The following RERE variants were observed in gnomAD, a reference collection of about 807,000 sequenced individuals.
RERE encodes arginine-glutamic acid dipeptide repeats protein.
RERE carries 40 observed loss-of-function variants against 146.1 expected under a neutral mutation model. That is an observed-to-expected ratio of 0.27 (90% CI 0.21 to 0.36). The LOEUF (loss-of-function observed/expected upper bound fraction) is 0.36. RERE is among the 10% of genes least tolerant of loss of function. The pLI is 1.00. For synonymous variants in RERE, 1,003 were observed against 866.0 expected, an observed-to-expected ratio of 1.16 and a Z score of -2.78; for missense variants, 1,933 against 2,138.7, an observed-to-expected ratio of 0.90 and a Z score of 1.90.
chr1:8,559,279 T>TAAAAAAAAA (rs1646044423), intron 4 of RERE, among the ~76,000 whole-genome samples: 1 of 2,050 alleles, frequency 4.9e-4, no homozygotes, highest in African/African-American at 2.3e-3. Flanking sequence ...AAACTCCAGC[T>TAAAAAAAAA]CAAAAAAAAA....
At chr1:8,557,878 T>C (rs751566173) in intron 4 of RERE, among the ~76,000 whole-genome samples, 22 of 152,242 alleles carry the variant, frequency 1.4e-4, no homozygotes, top group Non-Finnish European at 2.6e-4. Flanking sequence ...TATTTTAATC[T>C]TTAATCATTT....
At chr1:8,810,688 T>C (rs948980869) in intron 1 of RERE, among the ~76,000 whole-genome samples, 2 of 152,192 alleles carry the variant, frequency 1.3e-5, no homozygotes, top group Non-Finnish European at 2.9e-5. Flanking sequence ...AATAGTAGTA[T>C]CTATCCCATG....
At chr1:8,500,464 G>C (rs1414263335) in intron 8 of RERE, among the ~76,000 whole-genome samples, 3 of 152,192 alleles carry the variant, frequency 2.0e-5, no homozygotes, top group African/African-American at 2.4e-5. Flanking sequence ...CGCCAGCCTC[G>C]GCCTCCCGAG....
chr1:8,375,966 T>C (rs1487641100), intron 12 of RERE, among the ~76,000 whole-genome samples: 2 of 152,268 alleles, frequency 1.3e-5, no homozygotes, highest in African/African-American at 4.8e-5. Flanking sequence ...ATTTATATTT[T>C]ATCTTCACAG....
At chr1:8,508,554 G>C (rs370648094) in intron 8 of RERE, 73 bp downstream of exon 8, 2 of 1,140,052 alleles carry the variant, frequency 1.8e-6, no homozygotes, top group African/African-American at 1.6e-5. Context: ...AAGATGCTGC[G>C]CAACAGAATA....
Position 8,365,899 on chromosome 1 carries a change from G to A in RERE, c.1360C>T (p.Arg454Cys), listed in dbSNP as rs1465785398. The change falls in exon 13 of 23, where the codon CGC becomes TGC. Residue 454 changes from arginine (R) to cysteine (C), a missense_variant. Around this residue, in one of 11 missense-constraint regions of RERE, gnomAD observed 260 missense variants for 378.4 expected, o/e 0.69. Coordinates refer to ENST00000400908, the MANE Select transcript of RERE (RefSeq NM_001042681.2). ...ATCCTCCTGAACACGGCCTGCCTGC[G>A]GTGCCTACGATGGGCTCGGGAGCTG... ...AASSRAHRRH[R>C]RQAVFRRIKT... 6.2e-7 allele frequency: 1 copy of A among 1,614,066 alleles called. No individual in the cohort carries two copies. The highest frequency in any genetic ancestry group is 8.5e-7 in the Non-Finnish European group (1 of 1,180,050).
intron 9 of RERE, 115 bp from the exon 10 acceptor site, chr1:8,495,277 A>C: frequency 1.4e-6 from 1 of 698,866 alleles, no homozygotes; most frequent in Non-Finnish European, 2.5e-6. Context: ...TACTACACGC[A>C]TGATGAACCA....
At chr1:8,585,776 T>C (rs1301086782) in intron 4 of RERE, among the ~76,000 whole-genome samples, 1 of 152,254 alleles carries the variant, frequency 6.6e-6, no homozygotes, top group East Asian at 1.9e-4. Context: ...CAAACCTTTA[T>C]TCTGTCTTTC....
chr1:8,499,733 G>T (rs896709999), intron 8 of RERE, among the ~76,000 whole-genome samples: 1 of 152,250 alleles, frequency 6.6e-6, no homozygotes, highest in African/African-American at 2.4e-5. Flanking sequence ...AAGCAAGGAT[G>T]TTCTTCTTTG....
chr1:8,628,308 T>C (rs1229628848), intron 2 of RERE, among the ~76,000 whole-genome samples: 1 of 152,122 alleles, frequency 6.6e-6, no homozygotes, highest in Non-Finnish European at 1.5e-5. Context: ...AAAAAAACTT[T>C]ACATACATAG....
chr1:8,733,739 G>A (rs1420541032), intron 1 of RERE, among the ~76,000 whole-genome samples: 1 of 152,146 alleles, frequency 6.6e-6, no homozygotes, highest in Non-Finnish European at 1.5e-5. Flanking sequence ...AGGTGTGTGG[G>A]ATAACAAATG....
chr1:8,664,080 G>C (rs1213074131), intron 1 of RERE, among the ~76,000 whole-genome samples: 1 of 152,152 alleles, frequency 6.6e-6, no homozygotes, highest in Non-Finnish European at 1.5e-5. Context: ...TAACTGCAAA[G>C]TCCACAAAGG....
At chr1:8,553,198 A>C (rs1207466084) in intron 6 of RERE, among the ~76,000 whole-genome samples, 1 of 152,076 alleles carries the variant, frequency 6.6e-6, no homozygotes, top group Non-Finnish European at 1.5e-5. Context: ...CAGTGCGTCC[A>C]CACACACGTG....
intron 1 of RERE, among the ~76,000 whole-genome samples, chr1:8,801,951 T>C (rs1317966291): frequency 2.6e-5 from 4 of 152,342 alleles, no homozygotes; most frequent in Non-Finnish European, 4.4e-5. Context: ...ACCTGAGTTA[T>C]AAGTATTGAA....
chr1:8,613,848 G>GA (rs1320514017), intron 4 of RERE, among the ~76,000 whole-genome samples: 3 of 151,340 alleles, frequency 2.0e-5, no homozygotes, highest in South Asian at 2.1e-4. Context: ...ACCATTACAG[G>GA]AAAAAAAAGG....
At chr1:8,600,229 T>A (rs187692107) in intron 4 of RERE, among the ~76,000 whole-genome samples, 19 of 152,296 alleles carry the variant, frequency 1.2e-4, no homozygotes, top group African/African-American at 4.6e-4. Flanking sequence ...TGAGAGTCCA[T>A]TAAACCTCTT....
chr1:8,717,774 C>T (rs1245030817), intron 1 of RERE, among the ~76,000 whole-genome samples: 2 of 152,170 alleles, frequency 1.3e-5, no homozygotes, highest in Non-Finnish European at 2.9e-5. Flanking sequence ...GGATAGATCC[C>T]ATTTTCAGCA....
rs369646175 is a variant in RERE, at chr1:8,759,838, TACACACACACACACAC to T, written c.-145+57306_-145+57321del. 2.8e-5 allele frequency among the ~76,000 whole-genome samples: 4 copies of T among 142,228 alleles called. 1 individual carries two copies. The highest frequency in any genetic ancestry group is 4.6e-5 in the Non-Finnish European group (3 of 65,040). The allele number at this position is 142,228 out of a possible 152,430, so 93.3% of individuals were successfully genotyped here. ...TAACTCTAAATTCTTACTCTCTCTA[TACACACACACACACAC>T]ACACACACACACACACACACACAAT... On this transcript the variant is annotated intron_variant, in intron 1 of 22. Coordinates refer to ENST00000400908, the MANE Select transcript of RERE (RefSeq NM_001042681.2).
chr1:8,645,994 T>C (rs1355390836), intron 2 of RERE, among the ~76,000 whole-genome samples: 1 of 152,114 alleles, frequency 6.6e-6, no homozygotes, highest in East Asian at 1.9e-4. Flanking sequence ...TGACTGAAAA[T>C]AAGAACTACA....
Sources: gnomAD v4.1 joint callset for allele counts (sites outside exome capture counted in the v4.1 genomes callset) on GRCh38, gnomAD v4.1.1 for gene constraint, gnomAD v4.1.1 regional missense constraint, MANE v1.5 for transcripts, NCBI Gene and HGNC (gene_info 2026-07-23, HGNC 2026-07-21) for gene names.